The following SENP7 variants were observed in gnomAD, a reference collection of about 807,000 sequenced individuals.
The protein encoded by SENP7 is sentrin-specific protease 7.
Under a neutral mutation model 141.2 loss-of-function variants are expected in SENP7, and 64 were observed. The observed-to-expected ratio is 0.45, with a 90% CI of 0.37 to 0.56. SENP7 has a LOEUF of 0.56. Among genes scored for constraint, SENP7 ranks in the 20% least tolerant of loss-of-function variants. SENP7 has a pLI of 0.00. For missense variants in SENP7, 1,025 were observed against 1,212.2 expected (o/e 0.85, Z 2.29); for synonymous variants, 382 against 426.4 (o/e 0.90, Z 1.28).
intron 16 of SENP7, 58 bp downstream of exon 16, chr3:101,340,032 ATTTAT>A: frequency 1.4e-6 from 2 of 1,472,574 alleles, no homozygotes; most frequent in East Asian, 2.5e-5. Flanking sequence ...AGATAAAGAC[ATTTAT>A]TTTAAGTTTC....
chr3:101,453,744 A>T (rs2063244982), intron 4 of SENP7, among the ~76,000 whole-genome samples: 1 of 152,184 alleles, frequency 6.6e-6, no homozygotes. Context: ...GAGGAATAGC[A>T]TTAGGAGATA....
intron 3 of SENP7, among the ~76,000 whole-genome samples, chr3:101,480,043 G>T (rs1217681793): frequency 6.6e-6 from 1 of 151,518 alleles, no homozygotes; most frequent in African/African-American, 2.4e-5. Context: ...AGGAACAAAT[G>T]CAAGATATAT....
At chr3:101,497,415 G>A (rs1427597176) in intron 2 of SENP7, among the ~76,000 whole-genome samples, 1 of 152,064 alleles carries the variant, frequency 6.6e-6, no homozygotes, top group Non-Finnish European at 1.5e-5. Flanking sequence ...AAAGAACCAA[G>A]GCTCCCTGGG....
chr3:101,365,552 T>G (rs1308299324), intron 9 of SENP7, among the ~76,000 whole-genome samples: 1 of 148,684 alleles, frequency 6.7e-6, no homozygotes, highest in African/African-American at 2.5e-5. Flanking sequence ...AGGAGATTAC[T>G]TGAGCCCAGG....
rs1238674714 is a variant in SENP7 at position 101,340,124 on chromosome 3, A to G, written c.2328T>C (p.Leu776=). ...DLECLEEGEF[L]NDVIIDFYLK... is the part of the protein sequence containing the mutation. ...GGTAAAAATCAATGATTACATCATTAAGAAACTCTCCTTCTTCTAAACACT... is the reference window on the plus strand; with the variant it reads ...GGTAAAAATCAATGATTACATCATTGAGAAACTCTCCTTCTTCTAAACACT... Residue 776 remains leucine (L), a synonymous_variant, in exon 16 of 24, where the codon CTT becomes CTC. Coordinates refer to ENST00000394095, the MANE Select transcript of SENP7 (RefSeq NM_020654.5). The G allele has an allele frequency of 6.3e-7, 1 of 1,596,966 alleles. No homozygotes were observed. The highest frequency in any genetic ancestry group is 8.5e-7 in the Non-Finnish European group (1 of 1,174,414).
chr3:101,378,643 C>T (rs2060407109), intron 6 of SENP7, among the ~76,000 whole-genome samples: 1 of 151,938 alleles, frequency 6.6e-6, no homozygotes, highest in South Asian at 2.1e-4. Flanking sequence ...AAATGCAAAG[C>T]AATAATGCAT....
At chr3:101,434,150 A>G (rs2062295482) in intron 4 of SENP7, among the ~76,000 whole-genome samples, 1 of 152,202 alleles carries the variant, frequency 6.6e-6, no homozygotes, top group Non-Finnish European at 1.5e-5. Context: ...ATACAAATAT[A>G]TGGAAATAAA....
Position 101,441,799 on chromosome 3 carries a change from C to T in SENP7, c.284+17156G>A, listed in dbSNP as rs115838223. ...TACATGCCACCCAGGGGTCCAAAGA[C>T]TATTGTACCTGTCCCCAGTAAAGCC... On this transcript the variant is annotated intron_variant, in intron 4 of 23. Transcript: ENST00000394095. Among the ~76,000 whole-genome samples, 158 of 152,284 alleles carry T rather than the reference C, an allele frequency of 1.0e-3. 1 individual carries two copies. Among genetic ancestry groups the T allele is most frequent in the African/African-American group, 3.4e-3 (142 of 41,562 alleles).
At chr3:101,502,503 T>A (rs1467600882) in intron 1 of SENP7, among the ~76,000 whole-genome samples, 1 of 152,124 alleles carries the variant, frequency 6.6e-6, no homozygotes, top group Non-Finnish European at 1.5e-5. Context: ...GGTTTCTCCA[T>A]GTTGGTCAGG....
At chr3:101,444,545 T>C (rs1403478681) in intron 4 of SENP7, among the ~76,000 whole-genome samples, 1 of 152,012 alleles carries the variant, frequency 6.6e-6, no homozygotes, top group Non-Finnish European at 1.5e-5. Context: ...ATATACACCA[T>C]GGAATACTAT....
chr3:101,332,954 A>T (rs774401321), intron 17 of SENP7, 92 bp from the exon 18 acceptor site: 154 of 1,223,244 alleles, frequency 1.3e-4, no homozygotes, highest in Non-Finnish European at 1.5e-4. Flanking sequence ...AAATATCTTA[A>T]ATTTAGTTTA....
intron 6 of SENP7, among the ~76,000 whole-genome samples, chr3:101,388,060 G>A (rs2060709883): frequency 1.3e-5 from 2 of 152,146 alleles, no homozygotes; most frequent in Admixed American, 1.3e-4. Flanking sequence ...CTTGTGCAGT[G>A]CTTAAGGAAT....
intron 11 of SENP7, among the ~76,000 whole-genome samples, chr3:101,354,504 G>A (rs540846493): frequency 1.5e-4 from 23 of 152,034 alleles, no homozygotes; most frequent in Admixed American, 4.6e-4. Context: ...GAGAATATGC[G>A]GTATTTGGTT....
chr3:101,337,603 C>G lies in SENP7; in HGVS notation c.2386G>C (p.Glu796Gln), dbSNP rs1173124178. 1 of 1,604,660 alleles carries G rather than the reference C, an allele frequency of 6.2e-7. No homozygotes were observed. The highest frequency in any genetic ancestry group is 1.1e-5 in the South Asian group (1 of 89,176). Residue 796 changes from glutamate (E) to glutamine (Q), a missense_variant, in exon 17 of 24, where the codon GAA (glutamate) becomes CAA (glutamine). Physicochemically the swap from Glu to Gln is conservative, Grantham distance 29. This residue lies in a region of SENP7 where 295 missense variants were observed against 459.1 expected (regional missense o/e 0.64). Transcript: ENST00000394095. ...AAAATGTGACTTCGTTCAACAAGTT[C>G]ATCTGATGCCTTCTCCAATATAAGA... ...KYLILEKASDELVERSHIFSS... is the reference protein window; with the variant it reads ...KYLILEKASDQLVERSHIFSS...
At chr3:101,418,406 T>A (rs2061687546) in intron 4 of SENP7, among the ~76,000 whole-genome samples, 1 of 151,966 alleles carries the variant, frequency 6.6e-6, no homozygotes, top group Non-Finnish European at 1.5e-5. Context: ...ATTCAATACA[T>A]CTTTATGCTG....
intron 4 of SENP7, among the ~76,000 whole-genome samples, chr3:101,438,722 T>A (rs1221401871): frequency 6.6e-6 from 1 of 152,218 alleles, no homozygotes; most frequent in Non-Finnish European, 1.5e-5. Context: ...AACGAATGAG[T>A]AAATAGAAAA....
chr3:101,435,927 A>C (rs2062371171), intron 4 of SENP7, among the ~76,000 whole-genome samples: 1 of 152,140 alleles, frequency 6.6e-6, no homozygotes, highest in Non-Finnish European at 1.5e-5. Context: ...AACTAATCCT[A>C]AAATTTATAT....
chr3:101,338,527 T>C (rs2059248051), intron 16 of SENP7, among the ~76,000 whole-genome samples: 1 of 152,224 alleles, frequency 6.6e-6, no homozygotes, highest in East Asian at 1.9e-4. Context: ...GGCTTGAAAA[T>C]GTGTGATTGT....
At chr3:101,371,024 T>C (rs2060164533) in intron 7 of SENP7, among the ~76,000 whole-genome samples, 1 of 152,184 alleles carries the variant, frequency 6.6e-6, no homozygotes, top group Admixed American at 6.5e-5. Flanking sequence ...GCGCGGTGGC[T>C]CTTGCCTATA....
Sources: allele counts gnomAD v4.1 joint callset (sites outside exome capture counted in the v4.1 genomes callset), GRCh38; gene constraint gnomAD v4.1.1; regional missense constraint gnomAD v4.1.1; transcripts MANE v1.5; gene names NCBI Gene and HGNC (gene_info 2026-07-23, HGNC 2026-07-21).